CLK4: variants seen among roughly 807,000 people sequenced by gnomAD.
The protein encoded by CLK4 is dual specificity protein kinase CLK4.
In CLK4, 37 loss-of-function variants were observed where a neutral mutation model predicts 64.4. That is an observed-to-expected ratio of 0.57 (90% CI 0.44 to 0.76). The LOEUF is 0.76. CLK4 is among the 30% of genes least tolerant of loss of function. The pLI, the probability that CLK4 is intolerant of heterozygous loss-of-function variation, is 0.00. For missense variants in CLK4, 457 were observed against 605.1 expected (o/e 0.76, Z 2.57); for synonymous variants, 175 against 191.6 (o/e 0.91, Z 0.72).
intron 9 of CLK4, among the ~76,000 whole-genome samples, chr5:178,610,326 A>G (rs1048756791): frequency 5.9e-5 from 9 of 151,848 alleles, no homozygotes; most frequent in Admixed American, 3.3e-4. Context: ...AACCACTCCT[A>G]TCTCCCAATT....
chr5:178,621,708 A>G (rs1477074531), intron 2 of CLK4: 1 of 152,162 alleles, frequency 6.6e-6, no homozygotes, highest in African/African-American at 2.4e-5. Context: ...CTCTCTAGAA[A>G]AAGAAATATG....
At chr5:178,608,505 T>A in intron 9 of CLK4, 47 bp from the exon 10 acceptor site, 1 of 1,419,830 alleles carries the variant, frequency 7.0e-7, no homozygotes, top group Non-Finnish European at 9.8e-7. Flanking sequence ...AAACTTTTAA[T>A]TGACAGTACA....
At chr5:178,608,628 C>A (rs2113801785) in intron 9 of CLK4, among the ~76,000 whole-genome samples, 170 bp from the exon 10 acceptor site, 1 of 152,270 alleles carries the variant, frequency 6.6e-6, no homozygotes, top group East Asian at 1.9e-4. Context: ...CAACACACTC[C>A]ATAGTCCATA....
At chr5:178,610,378 T>C (rs900014121) in intron 9 of CLK4, among the ~76,000 whole-genome samples, 35 of 152,210 alleles carry the variant, frequency 2.3e-4, no homozygotes, top group Non-Finnish European at 4.7e-4. Context: ...CAGTACACCA[T>C]TCTAAATCAT....
chr5:178,626,418 C>A (rs1764780440), intron 1 of CLK4, among the ~76,000 whole-genome samples: 1 of 152,262 alleles, frequency 6.6e-6, no homozygotes, highest in African/African-American at 2.4e-5. Flanking sequence ...TGCCCTCAAC[C>A]ACCTGGATTT....
Position 178,618,347 on chromosome 5 carries a change from T to C in CLK4, c.384+209A>G, listed in dbSNP as rs1200770977. ...ATCTGGTCTGCAGAATATGAGGAAA[T>C]GTGGGCAAATGAGGGCTAGCTAATA... On this transcript the variant is annotated intron_variant, in intron 3 of 12. Coordinates refer to ENST00000316308, the MANE Select transcript of CLK4 (RefSeq NM_020666.3). The C allele has an allele frequency of 3.3e-5, 7 of 209,794 alleles. No homozygotes were observed. The South Asian group carries it at 5.6e-4, about 17-fold the overall frequency. The allele number at this position is 209,794 out of a possible 1,614,324, so 13.0% of individuals were successfully genotyped here. A position where few individuals can be genotyped will look rare whatever the true frequency, so the allele number is the denominator to read the frequency against.
intron 2 of CLK4, chr5:178,622,839 A>C (rs141961944): frequency 1.4e-3 from 252 of 178,500 alleles, no homozygotes; most frequent in Admixed American, 3.3e-3. Flanking sequence ...CCCCTATAAA[A>C]CCCTACCTTA....
At chr5:178,625,297 A>T (rs1209750778) in intron 1 of CLK4, among the ~76,000 whole-genome samples, 1 of 151,994 alleles carries the variant, frequency 6.6e-6, no homozygotes, top group Non-Finnish European at 1.5e-5. Flanking sequence ...AATTAGCCGC[A>T]CATGGTGACT....
At chr5:178,608,662 C>T (rs563882347) in intron 9 of CLK4, among the ~76,000 whole-genome samples, 2 of 152,300 alleles carry the variant, frequency 1.3e-5, no homozygotes, top group African/African-American at 4.8e-5. Flanking sequence ...ACACAGTATT[C>T]TAACTAGGGA....
intron 9 of CLK4, among the ~76,000 whole-genome samples, chr5:178,609,075 G>C (rs1243560324): frequency 1.3e-5 from 2 of 152,114 alleles, no homozygotes; most frequent in East Asian, 3.9e-4. Flanking sequence ...GTCTATACAT[G>C]ATTTTATATA....
At chr5:178,603,779 T>C (rs1042352476) in intron 12 of CLK4, 22 bp from the exon 13 acceptor site, 3 of 1,578,696 alleles carry the variant, frequency 1.9e-6, no homozygotes, top group Non-Finnish European at 2.6e-6. Flanking sequence ...ATGTTTTTGT[T>C]TTAAAAAAAA....
chr5:178,612,351 TA>T, intron 9 of CLK4, 64 bp downstream of exon 9: 1 of 1,430,674 alleles, frequency 7.0e-7, no homozygotes. Flanking sequence ...ACCCCACCAG[TA>T]AAGCTGTAAA....
chr5:178,621,371 T>C (rs1764704343), intron 2 of CLK4, among the ~76,000 whole-genome samples: 1 of 152,182 alleles, frequency 6.6e-6, no homozygotes, highest in South Asian at 2.1e-4. Context: ...TCAGTCTTTC[T>C]AATGCAGAAT....
At chr5:178,611,340 C>T (rs1009941916) in intron 9 of CLK4, among the ~76,000 whole-genome samples, 2 of 152,182 alleles carry the variant, frequency 1.3e-5, no homozygotes, top group African/African-American at 2.4e-5. Flanking sequence ...CCTATTATTA[C>T]GCATTTAAAA....
chr5:178,603,551 G>T lies in CLK4; in HGVS notation c.*66C>A. 8.7e-7 allele frequency: 1 copy of T among 1,154,958 alleles called. No homozygotes were observed. 71.5% of individuals were successfully genotyped at this position (1,154,958 alleles called of 1,614,324 possible). A position where few individuals can be genotyped will look rare whatever the true frequency, so the allele number is the denominator to read the frequency against. On this transcript the variant is annotated 3_prime_UTR_variant, in exon 13 of 13. Coordinates refer to ENST00000316308, the MANE Select transcript of CLK4 (RefSeq NM_020666.3). ...GTTTACAAAAATATTAGAATGTTTAGTTGACTGACACAGTCTTAAGTAATC... is the reference window on the plus strand; with the variant it reads ...GTTTACAAAAATATTAGAATGTTTATTTGACTGACACAGTCTTAAGTAATC...
chr5:178,619,147 T>C (rs1330388615), intron 2 of CLK4, among the ~76,000 whole-genome samples: 1 of 152,218 alleles, frequency 6.6e-6, no homozygotes, highest in East Asian at 1.9e-4. Context: ...GATTCCTTTC[T>C]CTTGTAATGT....
chr5:178,613,872 T>C, intron 5 of CLK4, 29 bp from the exon 6 acceptor site: 2 of 1,538,502 alleles, frequency 1.3e-6, no homozygotes, highest in Non-Finnish European at 1.8e-6. Context: ...ATAAAAATGA[T>C]AAATGTACAA....
rs1764569712 is a variant in CLK4, at chr5:178,612,397, A to G, written c.1051+19T>C. 31 of 1,562,738 alleles carry G rather than the reference A, an allele frequency of 2.0e-5. No homozygotes were observed. Among genetic ancestry groups the G allele is most frequent in the Non-Finnish European group, 2.6e-5 (30 of 1,153,334 alleles). The stretch of plus-strand genomic sequence containing the variant: ...TCTCTTCTTCAATTATAATATTAGA[A>G]AGCCTGGTGTCTACTGACCCAAAAT... On this transcript the variant is annotated intron_variant, in intron 9 of 12. Transcript: ENST00000316308.
chr5:178,609,063 CT>C (rs2113802168), intron 9 of CLK4, among the ~76,000 whole-genome samples: 1 of 152,302 alleles, frequency 6.6e-6, no homozygotes, highest in Admixed American at 6.5e-5. Flanking sequence ...AACATCGGCG[CT>C]GTCTATACAT....
Sources: allele counts gnomAD v4.1 joint callset (sites outside exome capture counted in the v4.1 genomes callset), GRCh38; gene constraint gnomAD v4.1.1; transcripts MANE v1.5; gene names NCBI Gene and HGNC (gene_info 2026-07-23, HGNC 2026-07-21).